The following UTP4 variants were observed in gnomAD, a reference collection of about 807,000 sequenced individuals.
UTP4 encodes the protein U3 small nucleolar RNA-associated protein 4 homolog.
Under a neutral mutation model 82.4 loss-of-function variants are expected in UTP4, and 45 were observed. The observed-to-expected ratio is 0.55, with a 90% CI of 0.43 to 0.70. The LOEUF (loss-of-function observed/expected upper bound fraction) is 0.70. UTP4 is among the 30% of genes least tolerant of loss of function. The pLI is 0.00. For synonymous variants in UTP4, 348 were observed against 300.3 expected (o/e 1.16, Z -1.64); for missense variants, 819 against 858.3 (o/e 0.95, Z 0.57).
Position 69,143,330 on chromosome 16 carries a change from A to T in UTP4, c.679A>T (p.Thr227Ser). ...KVQFWDSATGTLVKSHLIANA... is the reference protein window; with the variant it reads ...KVQFWDSATGSLVKSHLIANA... ...GCAGTTCTGGGACTCAGCCACTGGG[A>T]CGCTTGTGAAGAGCCATCTCATCGC... The change falls in exon 6 of 17, where the codon ACG (threonine) becomes TCG (serine). Residue 227 changes from threonine (T) to serine (S), a missense_variant. Coordinates refer to ENST00000314423, the MANE Select transcript of UTP4 (RefSeq NM_032830.3). 2 of 1,614,174 alleles carry T rather than the reference A, an allele frequency of 1.2e-6. No individual in the cohort carries two copies. Among genetic ancestry groups the T allele is most frequent in the African/African-American group, 2.7e-5 (2 of 75,030 alleles).
In UTP4 at chr16:69,157,172, G is replaced by A. The variant is rs141398922; in HGVS notation, c.1376G>A (p.Gly459Glu). 7.9e-4 allele frequency: 1,269 copies of A among 1,614,164 alleles called. 1 individual carries two copies. Among genetic ancestry groups the A allele is most frequent in the Admixed American group, 1.2e-3 (73 of 60,010 alleles). Residue 459 changes from glycine (G) to glutamate (E), a missense_variant, in exon 12 of 17, where the codon GGA (glycine) becomes GAA (glutamate). Transcript: ENST00000314423. ...AAGCTCTTTGTAGCATCAAATCAAG[G>A]AGCTCTGCATATTGTTCAGCTGTCA... ...STKLFVASNQ[G>E]ALHIVQLSGG...
At chr16:69,140,120 T>C (rs894324544) in intron 5 of UTP4, among the ~76,000 whole-genome samples, 7 of 152,244 alleles carry the variant, frequency 4.6e-5, no homozygotes, top group Admixed American at 1.3e-4. Flanking sequence ...CAGTAAGATA[T>C]AGTATTTTTC....
intron 4 of UTP4, chr16:69,138,142 TGTTA>T (rs1030599031): frequency 9.9e-6 from 5 of 503,816 alleles, no homozygotes; most frequent in African/African-American, 1.9e-5. Flanking sequence ...GAAGTCAATT[TGTTA>T]GTTATCACTT....
rs746108232 is a variant in UTP4 at position 69,132,670 on chromosome 16, A to AG, written c.-18dup. On this transcript the variant is annotated 5_prime_UTR_variant, in exon 1 of 17. Coordinates refer to ENST00000314423, the MANE Select transcript of UTP4 (RefSeq NM_032830.3). ...GGGCGGAGAGAGGCGAGCACCGGGA[A>AG]GGGGAGCGTGGGGCCGCTGGTGAGT... The AG allele has an allele frequency of 1.7e-5, 6 of 343,260 alleles. No individual in the cohort carries two copies. The highest frequency in any genetic ancestry group is 1.5e-4 in the East Asian group (1 of 6,674). 21.3% of individuals were successfully genotyped at this position (343,260 alleles called of 1,614,324 possible).
chr16:69,136,903 T>C lies in UTP4; in HGVS notation c.351+16T>C, dbSNP rs1338807641. The stretch of plus-strand genomic sequence containing the variant: ...TCAACTTTTGGTTAGTAAGCAACTA[T>C]TGGTAATTCAAACCAAAATTTCTCT... On this transcript the variant is annotated intron_variant, in intron 3 of 16. Coordinates refer to ENST00000314423, the MANE Select transcript of UTP4 (RefSeq NM_032830.3). 2.5e-6 allele frequency: 4 copies of C among 1,613,384 alleles called. No individual in the cohort carries two copies. Among genetic ancestry groups the C allele is most frequent in the South Asian group, 2.2e-5 (2 of 91,064 alleles).
At chr16:69,168,710 G>T in intron 16 of UTP4, 111 bp from the exon 17 acceptor site, 1 of 790,544 alleles carries the variant, frequency 1.3e-6, no homozygotes, top group Admixed American at 1.7e-5. Context: ...AATCATTTGA[G>T]CCTTGAACTA....
Position 69,163,191 on chromosome 16 carries a change from C to T in UTP4, c.1647+13C>T, listed in dbSNP as rs760486146. On this transcript the variant is annotated intron_variant, in intron 14 of 16. Coordinates refer to ENST00000314423, the MANE Select transcript of UTP4 (RefSeq NM_032830.3). Reference sequence around the variant, plus strand: ...TTCGGACCAGCAGGTAAGGGAGATTCCAGTGCTTTCTATTCCCTTCCTGCT... The same window carrying T: ...TTCGGACCAGCAGGTAAGGGAGATTTCAGTGCTTTCTATTCCCTTCCTGCT... 3 of 1,591,020 alleles carry T rather than the reference C, an allele frequency of 1.9e-6. No homozygotes were observed. Among genetic ancestry groups the T allele is most frequent in the Non-Finnish European group, 2.6e-6 (3 of 1,158,998 alleles).
chr16:69,157,191 G>T lies in UTP4; in HGVS notation c.1395G>T (p.Gln465His). 6.2e-7 allele frequency: 1 copy of T among 1,614,208 alleles called. No individual in the cohort carries two copies. Among genetic ancestry groups the T allele is most frequent in the Non-Finnish European group, 8.5e-7 (1 of 1,180,032 alleles). ...ASNQGALHIV[Q>H]LSGGSFKHLH... ...ATCAAGGAGCTCTGCATATTGTTCA[G>T]CTGTCAGGAGGAAGCTTCAAGCACC... Residue 465 changes from glutamine (Q) to histidine (H), a missense_variant, in exon 12 of 17, where the codon CAG (glutamine) becomes CAT (histidine). Coordinates refer to ENST00000314423, the MANE Select transcript of UTP4 (RefSeq NM_032830.3).
intron 14 of UTP4, 33 bp from the exon 15 acceptor site, chr16:69,165,308 G>A (rs1181862855): frequency 1.3e-5 from 20 of 1,598,080 alleles, no homozygotes; most frequent in Non-Finnish European, 1.6e-5. Context: ...CTGAGTACCA[G>A]CCTGCATTTC....
intron 3 of UTP4, among the ~76,000 whole-genome samples, chr16:69,137,459 T>C (rs949069529): frequency 1.3e-5 from 2 of 152,222 alleles, no homozygotes; most frequent in South Asian, 2.1e-4. Context: ...ATTTAGGTTA[T>C]AATGTTAGTA....
intron 16 of UTP4, chr16:69,167,423 G>A: frequency 2.0e-6 from 1 of 502,514 alleles, no homozygotes. Flanking sequence ...TAAGTAGTGA[G>A]AAATGTTGGC....
intron 13 of UTP4, among the ~76,000 whole-genome samples, chr16:69,161,829 AATC>A (rs1312544017): frequency 1.3e-5 from 2 of 151,950 alleles, no homozygotes; most frequent in East Asian, 3.9e-4. Flanking sequence ...ACACCTAGCT[AATC>A]TTTTTTTTTA....
chr16:69,136,601 A>G (rs1962820196), intron 2 of UTP4, 95 bp from the exon 3 acceptor site: 2 of 1,159,002 alleles, frequency 1.7e-6, no homozygotes, highest in Admixed American at 1.7e-5. Flanking sequence ...CTAGTTATTT[A>G]TGGGGAAGTT....
At chr16:69,148,389 G>A (rs940320811) in intron 6 of UTP4, among the ~76,000 whole-genome samples, 2 of 151,374 alleles carry the variant, frequency 1.3e-5, no homozygotes, top group African/African-American at 4.9e-5. Context: ...GAGCCACTGC[G>A]CCCGGCCTAA....
rs186021913 is a variant in UTP4, at chr16:69,138,300, T to A, written c.436+415T>A. Among the ~76,000 whole-genome samples, 57 of 151,350 alleles carry A rather than the reference T, an allele frequency of 3.8e-4. No homozygotes were observed. In the East Asian group the frequency reaches 0.011, roughly 29 times the overall value. On this transcript the variant is annotated intron_variant, in intron 4 of 16. Transcript: ENST00000314423. Reference sequence around the variant, plus strand: ...ATCCATGCTGGCAGTGGCGGTGGCATGATCTCGGCTCACTGTAATCTCCGC... The same window carrying A: ...ATCCATGCTGGCAGTGGCGGTGGCAAGATCTCGGCTCACTGTAATCTCCGC...
chr16:69,161,103 T>C (rs1007775719), intron 13 of UTP4, among the ~76,000 whole-genome samples: 1 of 152,220 alleles, frequency 6.6e-6, no homozygotes, highest in Non-Finnish European at 1.5e-5. Flanking sequence ...AATTCTGATA[T>C]ACACAGACAA....
Position 69,151,006 on chromosome 16 carries a change from G to A in UTP4, c.1002+102G>A. ...ACAGCTCACGCTCGGCAAATTTGTA[G>A]GACTTTTTTTTTTTTTTTGAGACAG... On this transcript the variant is annotated intron_variant, in intron 8 of 16. Transcript: ENST00000314423. The A allele has an allele frequency of 3.4e-6, 3 of 894,832 alleles. No individual in the cohort carries two copies. In the Admixed American group the frequency reaches 6.5e-5, roughly 19 times the overall value. The allele number at this position is 894,832 out of a possible 1,614,324, so 55.4% of individuals were successfully genotyped here.
At position 69,167,121 on chromosome 16, in the gene UTP4, C is replaced by T. The variant is rs780033276; in HGVS notation, c.1880C>T (p.Thr627Met). 8 of 1,613,866 alleles carry T rather than the reference C, an allele frequency of 5.0e-6. No homozygotes were observed. Among genetic ancestry groups the T allele is most frequent in the East Asian group, 4.5e-5 (2 of 44,898 alleles). The part of the protein sequence containing the change: ...KTLLYNPFPP[T>M]NESDVIRRRT... ...TTACTCTACAATCCATTTCCTCCCA[C>T]GAATGAATCAGATGTCATCCGGAGG... The change falls in exon 16 of 17, where the codon ACG becomes ATG. Residue 627 changes from threonine to methionine, a missense_variant. Physicochemically the swap from Thr to Met is moderately conservative, Grantham distance 81. Coordinates refer to ENST00000314423, the MANE Select transcript of UTP4 (RefSeq NM_032830.3).
Position 69,139,875 on chromosome 16 carries a change from G to A in UTP4, c.487G>A (p.Gly163Ser), listed in dbSNP as rs769368706. Residue 163 changes from glycine to serine, a missense_variant, in exon 5 of 17, where the codon GGT (glycine) becomes AGT (serine). By Grantham distance (56) the Gly-to-Ser change is moderately conservative. Transcript: ENST00000314423. ...TCCCTCTGGTACCCACATTGCAGCT[G>A]GTTCCATAGACTACATTAGTGTGTT... ...WHPSGTHIAA[G>S]SIDYISVFDV... is the part of the protein sequence containing the mutation. The A allele has an allele frequency of 1.2e-6, 2 of 1,613,734 alleles. No homozygotes were observed. Among genetic ancestry groups the A allele is most frequent in the Admixed American group, 1.7e-5 (1 of 59,992 alleles).
Sources: gnomAD v4.1 joint callset for allele counts (sites outside exome capture counted in the v4.1 genomes callset) on GRCh38, gnomAD v4.1.1 for gene constraint, MANE v1.5 for transcripts, NCBI Gene and HGNC (gene_info 2026-07-23, HGNC 2026-07-21) for gene names.